ADAMTSL1: variants seen among roughly 807,000 people sequenced by gnomAD.
The protein encoded by ADAMTSL1 is ADAMTS-like protein 1.
A neutral mutation model predicts 201.8 loss-of-function variants in ADAMTSL1; 126 were observed. The observed-to-expected ratio is 0.62, with a 90% CI of 0.54 to 0.72. The LOEUF (loss-of-function observed/expected upper bound fraction) is 0.72, where lower values mean the gene tolerates loss of function less well. Among genes scored for constraint, ADAMTSL1 ranks in the 30% least tolerant of loss-of-function variants. The pLI is 0.00. For missense variants in ADAMTSL1, 2,679 were observed against 2,277.8 expected, an observed-to-expected ratio of 1.18 and a Z score of -3.59; for synonymous variants, 1,121 against 903.4, an observed-to-expected ratio of 1.24 and a Z score of -4.32.
At chr9:18,167,500 A>T (rs547683860) in intron 2 of ADAMTSL1, among the ~76,000 whole-genome samples, 6 of 152,042 alleles carry the variant, frequency 3.9e-5, no homozygotes, top group African/African-American at 1.4e-4. Flanking sequence ...TTTTAGGGCA[A>T]GTCATTAATT....
At chr9:18,322,891 T>A (rs548196635) in intron 2 of ADAMTSL1, among the ~76,000 whole-genome samples, 1 of 152,260 alleles carries the variant, frequency 6.6e-6, no homozygotes, top group African/African-American at 2.4e-5. Flanking sequence ...TATCAATAGC[T>A]CTATTTCTAT....
intron 2 of ADAMTSL1, among the ~76,000 whole-genome samples, chr9:18,524,640 C>T (rs7028087): frequency 0.54 from 81,621 of 151,872 alleles, 22,538 homozygotes; most frequent in East Asian, 0.76. Context: ...ATTGAGAGTT[C>T]TTAGCATGAA....
chr9:18,717,253 T>TA (rs1564177038), intron 14 of ADAMTSL1, among the ~76,000 whole-genome samples: 7 of 120,260 alleles, frequency 5.8e-5, no homozygotes, highest in African/African-American at 1.0e-4. Flanking sequence ...ATAATAATAA[T>TA]AAATAAAATA....
intron 2 of ADAMTSL1, among the ~76,000 whole-genome samples, chr9:18,526,491 C>T (rs543057140): frequency 6.6e-6 from 1 of 152,156 alleles, no homozygotes; most frequent in Non-Finnish European, 1.5e-5. Context: ...ATGATGTTAG[C>T]TGGTTATTTT....
rs1831017148 is a variant in ADAMTSL1, at chr9:18,240,372, A to C, written c.207+76391A>C. On this transcript the variant is annotated intron_variant, in intron 2 of 29. Coordinates refer to the ADAMTSL1 transcript ENST00000680146. Reference sequence around the variant, plus strand: ...TTTTTTTTCTAAGCAGCAAGTATTAACAGTGGGCTTTGTATATTTAGTAAA... The same window carrying C: ...TTTTTTTTCTAAGCAGCAAGTATTACCAGTGGGCTTTGTATATTTAGTAAA... Among the ~76,000 whole-genome samples, 2 of 151,930 alleles carry C rather than the reference A, an allele frequency of 1.3e-5. 1 individual carries two copies. Among genetic ancestry groups the C allele is most frequent in the Admixed American group, 1.3e-4 (2 of 15,242 alleles).
chr9:18,007,831 A>G (rs144161743), intron 1 of ADAMTSL1, among the ~76,000 whole-genome samples: 2 of 152,026 alleles, frequency 1.3e-5, no homozygotes, highest in African/African-American at 2.4e-5. Context: ...CTTGATTTAC[A>G]TGGTACTTCT....
At chr9:18,388,812 A>C (rs1452916307) in intron 2 of ADAMTSL1, among the ~76,000 whole-genome samples, 1 of 151,562 alleles carries the variant, frequency 6.6e-6, no homozygotes, top group African/African-American at 2.4e-5. Flanking sequence ...GCTGGAGTGC[A>C]GTAGTGCCCT....
Position 18,016,936 on chromosome 9 carries a change from A to G in ADAMTSL1, c.87+110014A>G, listed in dbSNP as rs553648386. On this transcript the variant is annotated intron_variant, in intron 1 of 29. Coordinates refer to the ADAMTSL1 transcript ENST00000680146. ...ATTAAATATGAAAAAACTGGGGGAG[A>G]TAACACCATACACTTTCATACTAGT... Among the ~76,000 whole-genome samples the G allele has an allele frequency of 7.2e-5, 11 of 152,134 alleles. No individual in the cohort carries two copies. In the East Asian group the frequency reaches 1.7e-3, roughly 24 times the overall value.
At chr9:18,558,081 A>G (rs1038099045) in intron 3 of ADAMTSL1, among the ~76,000 whole-genome samples, 27 of 152,112 alleles carry the variant, frequency 1.8e-4, no homozygotes, top group African/African-American at 5.6e-4. Flanking sequence ...ACATTGGTAT[A>G]CACGTGCCAT....
chr9:18,842,545 C>T (rs1476679436), intron 23 of ADAMTSL1, among the ~76,000 whole-genome samples: 2 of 152,268 alleles, frequency 1.3e-5, no homozygotes, highest in Non-Finnish European at 1.5e-5. Flanking sequence ...CTGTAGACAT[C>T]TATTAGGTCC....
At chr9:18,236,491 T>G (rs570420161) in intron 2 of ADAMTSL1, among the ~76,000 whole-genome samples, 1 of 152,346 alleles carries the variant, frequency 6.6e-6, no homozygotes, top group African/African-American at 2.4e-5. Flanking sequence ...ACTGTCCATA[T>G]CAAAAGCTGT....
chr9:17,914,262 A>G (rs1826000043), intron 1 of ADAMTSL1, among the ~76,000 whole-genome samples: 1 of 152,174 alleles, frequency 6.6e-6, no homozygotes, highest in Non-Finnish European at 1.5e-5. Flanking sequence ...CATTGATGCA[A>G]AAATCCTCAA....
intron 4 of ADAMTSL1, among the ~76,000 whole-genome samples, chr9:18,576,268 A>G (rs1812291575): frequency 6.6e-6 from 1 of 152,182 alleles, no homozygotes; most frequent in African/African-American, 2.4e-5. Context: ...CAAAGATTGC[A>G]TTTAAGCACT....
At chr9:18,553,210 C>CTTTTTTTTT (rs35874115) in intron 3 of ADAMTSL1, among the ~76,000 whole-genome samples, 3 of 135,880 alleles carry the variant, frequency 2.2e-5, no homozygotes, top group Non-Finnish European at 3.2e-5. Context: ...TAGTCCCAGT[C>CTTTTTTTTT]TTTTTTTTTT....
intron 2 of ADAMTSL1, among the ~76,000 whole-genome samples, chr9:18,420,272 G>A (rs1372630939): frequency 6.6e-6 from 1 of 152,140 alleles, no homozygotes; most frequent in African/African-American, 2.4e-5. Flanking sequence ...AGGAGAGTCT[G>A]TTACAGTTAT....
intron 26 of ADAMTSL1, among the ~76,000 whole-genome samples, chr9:18,899,100 C>G (rs1179465564): frequency 6.6e-6 from 1 of 152,108 alleles, no homozygotes; most frequent in Non-Finnish European, 1.5e-5. Flanking sequence ...TCAGCAAAGT[C>G]CCAGGATACA....
intron 2 of ADAMTSL1, among the ~76,000 whole-genome samples, chr9:18,370,357 C>T (rs1002093052): frequency 1.3e-5 from 2 of 151,882 alleles, no homozygotes. Flanking sequence ...CTGTTAGGTA[C>T]ACTCTTCACT....
chr9:18,480,385 C>T (rs188351506), intron 1 of ADAMTSL1, among the ~76,000 whole-genome samples: 1 of 152,270 alleles, frequency 6.6e-6, no homozygotes, highest in Admixed American at 6.5e-5. Context: ...TCTCTTTACC[C>T]ACCTGCTGGA....
chr9:18,078,977 CCTGT>C (rs1302653079), intron 1 of ADAMTSL1, among the ~76,000 whole-genome samples: 1 of 152,148 alleles, frequency 6.6e-6, no homozygotes, highest in Non-Finnish European at 1.5e-5. Flanking sequence ...AGTTTATCAG[CCTGT>C]CTATCTCAAG....
Sources: allele counts gnomAD v4.1 joint callset (sites outside exome capture counted in the v4.1 genomes callset), GRCh38; gene constraint gnomAD v4.1.1; transcripts MANE v1.5; gene names NCBI Gene and HGNC (gene_info 2026-07-23, HGNC 2026-07-21).